Variants in BICC1 observed in about 807,000 individuals in gnomAD.
BICC1 encodes BicC family RNA binding protein 1.
BICC1 carries 43 observed loss-of-function variants against 111.0 expected under a neutral mutation model. The observed-to-expected ratio is 0.39, with a 90% CI of 0.30 to 0.50. The LOEUF (loss-of-function observed/expected upper bound fraction) is 0.50. Ranked by LOEUF, BICC1 falls within the 20% of genes least tolerant of loss-of-function variation. The pLI is 0.88. For missense variants in BICC1, 1,091 were observed against 1,203.2 expected, an observed-to-expected ratio of 0.91 and a Z score of 1.38; for synonymous variants, 467 against 434.4, an observed-to-expected ratio of 1.07 and a Z score of -0.93.
At chr10:58,752,675 A>G (rs1268330700) in intron 3 of BICC1, among the ~76,000 whole-genome samples, 1 of 152,196 alleles carries the variant, frequency 6.6e-6, no homozygotes, top group Non-Finnish European at 1.5e-5. Flanking sequence ...ATTATTTTCA[A>G]GAGCACATCT....
intron 1 of BICC1, among the ~76,000 whole-genome samples, chr10:58,610,771 G>T (rs1004359279): frequency 6.6e-6 from 1 of 151,700 alleles, no homozygotes; most frequent in African/African-American, 2.4e-5. Context: ...TTCTTTTTGC[G>T]GTTCACACAT....
chr10:58,583,588 G>C (rs61874017), intron 1 of BICC1, among the ~76,000 whole-genome samples: 70,970 of 113,694 alleles, frequency 0.62, 18,636 homozygotes, highest in Admixed American at 0.71. Context: ...CTCTCTCTGT[G>C]TGTGTGTGTG....
At chr10:58,763,493 AAAG>A (rs1842376087) in intron 3 of BICC1, among the ~76,000 whole-genome samples, 1 of 152,174 alleles carries the variant, frequency 6.6e-6, no homozygotes, top group African/African-American at 2.4e-5. Context: ...TTGAAGGAAA[AAAG>A]AAAGCATAGT....
intron 3 of BICC1, among the ~76,000 whole-genome samples, chr10:58,713,191 C>G (rs1840633099): frequency 6.6e-6 from 1 of 152,108 alleles, no homozygotes; most frequent in Admixed American, 6.5e-5. Context: ...GGCGACTGGA[C>G]TGGGTCTGGA....
chr10:58,638,850 T>C (rs1838029425), intron 2 of BICC1, among the ~76,000 whole-genome samples: 2 of 468 alleles, frequency 4.3e-3, no homozygotes, highest in African/African-American at 5.6e-3. Context: ...TTTTCTTTTC[T>C]TTTCTTTTCT....
Position 58,598,684 on chromosome 10 carries a change from G to T in BICC1, c.191-22171G>T, listed in dbSNP as rs182585266. 7.2e-5 allele frequency among the ~76,000 whole-genome samples: 11 copies of T among 152,282 alleles called. No homozygotes were observed. In the East Asian group the frequency reaches 1.3e-3, roughly 19 times the overall value. On this transcript the variant is annotated intron_variant, in intron 1 of 20. Coordinates refer to ENST00000373886, the MANE Select transcript of BICC1 (RefSeq NM_001080512.3). ...GATCTAATTAAATTAAAGAGCTTCTGCACAGCAAAAGAAACTATCATCAGA... is the reference window on the plus strand; with the variant it reads ...GATCTAATTAAATTAAAGAGCTTCTTCACAGCAAAAGAAACTATCATCAGA...
At chr10:58,807,194 T>C (rs1843735564) in intron 17 of BICC1, 36 bp downstream of exon 17, 1 of 1,582,012 alleles carries the variant, frequency 6.3e-7, no homozygotes, top group Non-Finnish European at 8.6e-7. Flanking sequence ...TCTTCCTGTC[T>C]GTTCTTTCAG....
intron 14 of BICC1, among the ~76,000 whole-genome samples, chr10:58,802,227 G>C (rs184821040): frequency 1.8e-4 from 28 of 152,274 alleles, no homozygotes; most frequent in Admixed American, 1.5e-3. Flanking sequence ...ATGCTCTTAA[G>C]TTCCCAGGTC....
At chr10:58,761,473 G>C (rs1842314249) in intron 3 of BICC1, among the ~76,000 whole-genome samples, 1 of 152,176 alleles carries the variant, frequency 6.6e-6, no homozygotes, top group Non-Finnish European at 1.5e-5. Context: ...TAGATTTTTA[G>C]AGATGGTTTA....
At position 58,702,142 on chromosome 10, in the gene BICC1, A is replaced by G. The variant is rs1233065704; in HGVS notation, c.306A>G (p.Lys102=). The G allele has an allele frequency of 2.5e-6, 4 of 1,611,614 alleles. No homozygotes were observed. The highest frequency in any genetic ancestry group is 2.2e-5 in the South Asian group (2 of 90,844). The part of the protein sequence containing the change: ...SKLKIGAKSK[K]DPHIKVSGKK... ...TGAAGATCGGAGCCAAATCCAAGAA[A>G]GGTAAATTGTGAGAGGGCAAGAAAT... is the stretch of plus-strand genomic sequence containing the variant. Residue 102 remains lysine (K), a splice_region_variant and synonymous_variant, in exon 3 of 21, where the codon AAA becomes AAG. Transcript: ENST00000373886.
intron 1 of BICC1, among the ~76,000 whole-genome samples, chr10:58,603,796 C>T (rs901095166): frequency 3.6e-4 from 54 of 151,812 alleles, no homozygotes; most frequent in African/African-American, 1.3e-3. Context: ...GAGTGGGAGG[C>T]CAATAACATT....
chr10:58,632,767 T>C (rs1837835440), intron 2 of BICC1, among the ~76,000 whole-genome samples: 1 of 152,122 alleles, frequency 6.6e-6, no homozygotes, highest in African/African-American at 2.4e-5. Flanking sequence ...ACTGATTGCC[T>C]TTGCAAAGGC....
intron 2 of BICC1, among the ~76,000 whole-genome samples, chr10:58,668,567 A>G (rs932925782): frequency 5.3e-5 from 8 of 152,086 alleles, no homozygotes; most frequent in Non-Finnish European, 1.2e-4. Context: ...GATTGCATCA[A>G]TTTAAATGGA....
intron 18 of BICC1, among the ~76,000 whole-genome samples, chr10:58,816,439 C>T (rs1241985443): frequency 6.6e-6 from 1 of 152,150 alleles, no homozygotes; most frequent in Non-Finnish European, 1.5e-5. Flanking sequence ...AAAACCTTTT[C>T]AGGAAATGCC....
chr10:58,556,992 G>A (rs1384578598), intron 1 of BICC1, among the ~76,000 whole-genome samples: 1 of 152,036 alleles, frequency 6.6e-6, no homozygotes, highest in African/African-American at 2.4e-5. Flanking sequence ...ACCTCGCGTT[G>A]TAAAAGGGAC....
At chr10:58,782,014 T>C (rs771854460) in intron 3 of BICC1, among the ~76,000 whole-genome samples, 3 of 152,242 alleles carry the variant, frequency 2.0e-5, no homozygotes, top group African/African-American at 7.2e-5. Context: ...TGTTGGTGAC[T>C]GTCTCTGCAT....
Position 58,796,423 on chromosome 10 carries a change from G to A in BICC1, c.1263G>A (p.Gly421=), listed in dbSNP as rs1446614204. The change falls in exon 10 of 21, where the codon GGG becomes GGA. Residue 421 remains glycine, a synonymous_variant. Transcript: ENST00000373886. ...GTCTCCTCGGACTTGAAAGCAGTGG[G>A]GTTACCATAGCAACCAGTCCATCCC... ...RKCLLGLESS[G]VTIATSPSPA... 3 of 1,613,950 alleles carry A rather than the reference G, an allele frequency of 1.9e-6. No homozygotes were observed. Among genetic ancestry groups the A allele is most frequent in the Non-Finnish European group, 2.5e-6 (3 of 1,180,004 alleles).
At chr10:58,631,790 C>T (rs1260757918) in intron 2 of BICC1, among the ~76,000 whole-genome samples, 3 of 152,160 alleles carry the variant, frequency 2.0e-5, no homozygotes, top group African/African-American at 4.8e-5. Flanking sequence ...TCAATTTCCA[C>T]GTGCCTGTTT....
chr10:58,694,929 A>G (rs1194461122), intron 2 of BICC1, among the ~76,000 whole-genome samples: 2 of 152,302 alleles, frequency 1.3e-5, no homozygotes, highest in African/African-American at 2.4e-5. Context: ...TCATAGGCCA[A>G]GGGAGGCAGA....
Sources: allele counts gnomAD v4.1 joint callset (sites outside exome capture counted in the v4.1 genomes callset), GRCh38; gene constraint gnomAD v4.1.1; transcripts MANE v1.5; gene names NCBI Gene and HGNC (gene_info 2026-07-23, HGNC 2026-07-21).